The following CUX1 variants were observed in gnomAD, a reference collection of about 807,000 sequenced individuals.
CUX1 encodes cut like homeobox 1.
Under a neutral mutation model 158.8 loss-of-function variants are expected in CUX1, and 31 were observed. The observed-to-expected ratio is 0.20, with a 90% CI of 0.15 to 0.26. The LOEUF (loss-of-function observed/expected upper bound fraction) is 0.26, where lower values mean the gene tolerates loss of function less well. Among genes scored for constraint, CUX1 ranks in the 10% least tolerant of loss-of-function variants. The probability of loss-of-function intolerance (pLI) is 1.00; values close to 1 mark genes in which losing one functional copy is unlikely to be tolerated. For synonymous variants in CUX1, 879 were observed against 862.1 expected, an observed-to-expected ratio of 1.02 and a Z score of -0.34; for missense variants, 1,589 against 2,014.6, an observed-to-expected ratio of 0.79 and a Z score of 4.04.
chr7:102,200,589 C>T (rs1795309745), intron 17 of CUX1, among the ~76,000 whole-genome samples: 1 of 152,174 alleles, frequency 6.6e-6, no homozygotes, highest in Non-Finnish European at 1.5e-5. Context: ...GATCCTCCCA[C>T]CTCGGCCTCC....
intron 8 of CUX1, among the ~76,000 whole-genome samples, chr7:102,152,618 G>A (rs991319260): frequency 9.9e-5 from 15 of 152,112 alleles, no homozygotes; most frequent in African/African-American, 3.6e-4. Flanking sequence ...TCTCGAACTC[G>A]CGACCTCAGG....
At chr7:102,072,980 T>C (rs980572575) in intron 4 of CUX1, among the ~76,000 whole-genome samples, 1 of 151,988 alleles carries the variant, frequency 6.6e-6, no homozygotes, top group South Asian at 2.1e-4. Context: ...TTCTGCTCCA[T>C]TCTATTCCAA....
chr7:101,833,440 G>A (rs2131054195), intron 1 of CUX1, among the ~76,000 whole-genome samples: 1 of 150,272 alleles, frequency 6.7e-6, no homozygotes, highest in East Asian at 2.0e-4. Context: ...CTGTGATCCT[G>A]GCTGCTCAGG....
intron 2 of CUX1, among the ~76,000 whole-genome samples, chr7:101,936,468 G>C (rs1585030612): frequency 6.6e-6 from 1 of 152,166 alleles, no homozygotes; most frequent in African/African-American, 2.4e-5. Flanking sequence ...AGACAGGAGG[G>C]AACTCAGGGA....
intron 1 of CUX1, among the ~76,000 whole-genome samples, chr7:101,892,318 A>G (rs772744133): frequency 1.1e-4 from 16 of 152,246 alleles, no homozygotes; most frequent in Non-Finnish European, 1.9e-4. Context: ...GTTAGTTGGC[A>G]TCAAGAATCT....
chr7:102,132,680 C>CT (rs1174779466), intron 8 of CUX1, among the ~76,000 whole-genome samples: 25,553 of 115,028 alleles, frequency 0.22, 5,222 homozygotes, highest in African/African-American at 0.51. Context: ...CTTTGCTTTT[C>CT]TTTTTTTTTT....
chr7:102,004,904 A>C (rs779518691), intron 2 of CUX1, among the ~76,000 whole-genome samples: 1 of 152,240 alleles, frequency 6.6e-6, no homozygotes, highest in Non-Finnish European at 1.5e-5. Flanking sequence ...TCAGGATATC[A>C]TGTAGGCACT....
chr7:101,865,139 G>A (rs1797817379), intron 1 of CUX1, among the ~76,000 whole-genome samples: 1 of 152,236 alleles, frequency 6.6e-6, no homozygotes, highest in Non-Finnish European at 1.5e-5. Context: ...GGAGCCTGGG[G>A]CCTGGGTTCC....
Position 102,251,142 on chromosome 7 carries a change from T to C in CUX1, c.*2100T>C. ...CTGATTGAAAACTTTTTGACCGTAT[T>C]GTGTATCATTGAAACCTTTGTCTTA... On this transcript the variant is annotated 3_prime_UTR_variant, in exon 24 of 24. Coordinates refer to ENST00000292535, the MANE Select transcript of CUX1 (RefSeq NM_181552.4). The C allele has an allele frequency of 1.0e-6, 1 of 984,704 alleles. No individual in the cohort carries two copies. Among genetic ancestry groups the C allele is most frequent in the African/African-American group, 1.7e-5 (1 of 57,354 alleles). The allele number at this position is 984,704 out of a possible 1,614,324, so 61.0% of individuals were successfully genotyped here.
intron 3 of CUX1, among the ~76,000 whole-genome samples, chr7:102,068,012 C>A (rs1825736772): frequency 2.0e-5 from 3 of 151,750 alleles, no homozygotes. Context: ...CAGAGCGAGC[C>A]TCCATCTCAA....
At chr7:102,043,711 A>G (rs1238107773) in intron 3 of CUX1, among the ~76,000 whole-genome samples, 1 of 152,142 alleles carries the variant, frequency 6.6e-6, no homozygotes, top group Non-Finnish European at 1.5e-5. Flanking sequence ...ATAACTCTTA[A>G]CAATACTGAT....
chr7:102,122,747 A>G (rs1554493860), intron 8 of CUX1, among the ~76,000 whole-genome samples: 1 of 152,150 alleles, frequency 6.6e-6, no homozygotes, highest in African/African-American at 2.4e-5. Context: ...TGTCTATTGC[A>G]AAGCATCAGT....
At chr7:102,209,706 G>T (rs911324723) in intron 20 of CUX1, among the ~76,000 whole-genome samples, 2 of 152,160 alleles carry the variant, frequency 1.3e-5, no homozygotes, top group Non-Finnish European at 2.9e-5. Flanking sequence ...CTTGGGGACT[G>T]ATTCTGCAAG....
intron 1 of CUX1, among the ~76,000 whole-genome samples, chr7:101,823,329 G>T (rs957167048): frequency 6.6e-6 from 1 of 152,218 alleles, no homozygotes; most frequent in Admixed American, 6.5e-5. Flanking sequence ...AACACTGCCA[G>T]CAACTCAAGA....
intron 22 of CUX1, among the ~76,000 whole-genome samples, chr7:102,234,757 TAAAAAAA>T (rs34652160): frequency 9.1e-6 from 1 of 109,594 alleles, no homozygotes; most frequent in African/African-American, 3.4e-5. Flanking sequence ...CCCTCACTAC[TAAAAAAA>T]AAAAAAAAAA....
chr7:102,150,526 C>T (rs1033622561), intron 8 of CUX1, among the ~76,000 whole-genome samples: 3 of 152,154 alleles, frequency 2.0e-5, no homozygotes, highest in Non-Finnish European at 4.4e-5. Flanking sequence ...TATGTTTTTC[C>T]AACTGCCTTG....
intron 4 of CUX1, among the ~76,000 whole-genome samples, chr7:102,087,232 T>C (rs1196598179): frequency 6.6e-6 from 1 of 152,190 alleles, no homozygotes; most frequent in African/African-American, 2.4e-5. Context: ...TTAATGTTTT[T>C]ATCTCCCCAA....
chr7:102,030,590 C>T (rs1183671266), intron 3 of CUX1, among the ~76,000 whole-genome samples: 1 of 151,950 alleles, frequency 6.6e-6, no homozygotes, highest in Non-Finnish European at 1.5e-5. Flanking sequence ...CCAATTATCC[C>T]CAAGATGTCT....
At chr7:102,090,684 G>C (rs1242583597) in intron 4 of CUX1, among the ~76,000 whole-genome samples, 2 of 129,278 alleles carry the variant, frequency 1.5e-5, no homozygotes, top group African/African-American at 6.6e-5. Flanking sequence ...ACCGCACCCC[G>C]CCTCTTTTTT....
Sources: allele counts gnomAD v4.1 joint callset (sites outside exome capture counted in the v4.1 genomes callset), GRCh38; gene constraint gnomAD v4.1.1; transcripts MANE v1.5; gene names NCBI Gene and HGNC (gene_info 2026-07-23, HGNC 2026-07-21).